Variants in PDZD2 observed in about 807,000 individuals in gnomAD.
PDZD2 encodes PDZ domain containing 2, also known as PDZ domain-containing protein 2.
Under a neutral mutation model 220.7 loss-of-function variants are expected in PDZD2, and 90 were observed. The observed-to-expected ratio is 0.41, with a 90% CI of 0.34 to 0.49. The LOEUF (loss-of-function observed/expected upper bound fraction) is 0.49, where lower values mean the gene tolerates loss of function less well. Among genes scored for constraint, PDZD2 ranks in the 20% least tolerant of loss-of-function variants. PDZD2 has a pLI of 0.28. For missense variants in PDZD2, 3,174 were observed against 3,608.5 expected (o/e 0.88, Z 3.08); for synonymous variants, 1,375 against 1,450.5 (o/e 0.95, Z 1.18).
chr5:31,658,755 G>C (rs1580527233), intron 1 of PDZD2, among the ~76,000 whole-genome samples: 2 of 152,104 alleles, frequency 1.3e-5, no homozygotes, highest in East Asian at 3.9e-4. Flanking sequence ...GAGTAGCTGG[G>C]ATTACAGGCA....
At chr5:31,826,915 CG>C (rs1756263317) in intron 2 of PDZD2, among the ~76,000 whole-genome samples, 1 of 152,066 alleles carries the variant, frequency 6.6e-6, no homozygotes, top group Non-Finnish European at 1.5e-5. Context: ...GGAATCGAGC[CG>C]GGGTGACCTG....
At chr5:31,858,282 AC>A (rs199811314) in intron 2 of PDZD2, among the ~76,000 whole-genome samples, 8,016 of 151,600 alleles carry the variant, frequency 0.053, 231 homozygotes, top group Non-Finnish European at 0.07. Flanking sequence ...GAGTTTAAAA[AC>A]AAAAAAATTC....
chr5:31,829,559 C>G (rs950702666), intron 2 of PDZD2, among the ~76,000 whole-genome samples: 1 of 151,882 alleles, frequency 6.6e-6, no homozygotes, highest in Non-Finnish European at 1.5e-5. Flanking sequence ...TCAGATGATC[C>G]ACCCGCCTCG....
intron 1 of PDZD2, among the ~76,000 whole-genome samples, chr5:31,680,029 AG>A (rs1746592047): frequency 1.3e-5 from 2 of 152,246 alleles, no homozygotes; most frequent in African/African-American, 4.8e-5. Flanking sequence ...CATCTTCTAG[AG>A]CATTTTTCTT....
chr5:32,092,841 C>A, intron 20 of PDZD2, 66 bp from the exon 21 acceptor site: 2 of 751,630 alleles, frequency 2.7e-6, no homozygotes, highest in Admixed American at 2.5e-5. Flanking sequence ...ATTTTAAATG[C>A]ATTCTTATAA....
At chr5:31,840,925 T>C in intron 2 of PDZD2, 2 of 509,278 alleles carry the variant, frequency 3.9e-6, no homozygotes, top group Admixed American at 2.8e-5. Flanking sequence ...CTTAAAGGCC[T>C]GGAGAACATA....
chr5:32,031,211 G>A (rs1186318189), intron 6 of PDZD2, among the ~76,000 whole-genome samples: 1 of 152,100 alleles, frequency 6.6e-6, no homozygotes, highest in Non-Finnish European at 1.5e-5. Context: ...TTTAAGATAG[G>A]AACCGTCAAG....
At chr5:31,813,366 C>G (rs189684959) in intron 2 of PDZD2, among the ~76,000 whole-genome samples, 5,969 of 141,824 alleles carry the variant, frequency 0.042, 427 homozygotes, top group African/African-American at 0.15. Context: ...AGGAGAATGG[C>G]GTGAACCCGG....
chr5:31,662,455 C>T (rs938070622), intron 1 of PDZD2, among the ~76,000 whole-genome samples: 2 of 152,200 alleles, frequency 1.3e-5, no homozygotes, highest in Non-Finnish European at 2.9e-5. Flanking sequence ...TCCATAAACT[C>T]AGTGGCTTAT....
At chr5:31,988,114 T>C (rs2111909383) in intron 3 of PDZD2, among the ~76,000 whole-genome samples, 1 of 152,296 alleles carries the variant, frequency 6.6e-6, no homozygotes, top group African/African-American at 2.4e-5. Context: ...AGAGGGACCT[T>C]TCTAAACAGC....
chr5:31,653,403 G>C (rs938688073), intron 1 of PDZD2, among the ~76,000 whole-genome samples: 1 of 152,062 alleles, frequency 6.6e-6, no homozygotes, highest in Admixed American at 6.5e-5. Flanking sequence ...GGCACGTCTG[G>C]GTGGGAGAGA....
At chr5:31,830,414 G>C (rs1756509410) in intron 2 of PDZD2, among the ~76,000 whole-genome samples, 1 of 150,518 alleles carries the variant, frequency 6.6e-6, no homozygotes, top group African/African-American at 2.5e-5. Flanking sequence ...CTGACCTCGT[G>C]ATCTGCCCGT....
chr5:31,924,017 G>A (rs2150383041), intron 2 of PDZD2, among the ~76,000 whole-genome samples: 1 of 152,268 alleles, frequency 6.6e-6, no homozygotes, highest in South Asian at 2.1e-4. Context: ...CAGCCACATC[G>A]CCTTGAGTTT....
chr5:31,694,744 C>CT (rs34596550), intron 1 of PDZD2, among the ~76,000 whole-genome samples: 3,233 of 143,780 alleles, frequency 0.022, 116 homozygotes, highest in African/African-American at 0.072. Context: ...CAATAAATGC[C>CT]TTTTTTTTTT....
intron 3 of PDZD2, among the ~76,000 whole-genome samples, chr5:31,992,444 T>A (rs1356668920): frequency 1.3e-5 from 2 of 152,110 alleles, no homozygotes; most frequent in East Asian, 3.9e-4. Flanking sequence ...TCAGTATATA[T>A]ATATATACAT....
chr5:31,953,059 CAAAAAAAAA>C (rs776311443), intron 2 of PDZD2, among the ~76,000 whole-genome samples: 3 of 54,006 alleles, frequency 5.6e-5, no homozygotes, highest in African/African-American at 2.0e-4. Flanking sequence ...GACTCCATCT[CAAAAAAAAA>C]AAAAAAAAAG....
At chr5:32,094,455 C>T (rs1241684822) in intron 21 of PDZD2, among the ~76,000 whole-genome samples, 2 of 152,056 alleles carry the variant, frequency 1.3e-5, no homozygotes, top group Non-Finnish European at 2.9e-5. Context: ...TCCAGAAATT[C>T]AAATATAGAG....
chr5:31,827,766 T>G (rs1756320156), intron 2 of PDZD2, among the ~76,000 whole-genome samples: 1 of 152,074 alleles, frequency 6.6e-6, no homozygotes, highest in Non-Finnish European at 1.5e-5. Context: ...ACTATAAAAT[T>G]TATCCTTTAA....
intron 19 of PDZD2, among the ~76,000 whole-genome samples, chr5:32,086,585 T>TA (rs1742470744): frequency 6.6e-6 from 1 of 152,174 alleles, no homozygotes; most frequent in African/African-American, 2.4e-5. Context: ...TGGTATTTGT[T>TA]AGATGTGGGT....
Sources: allele counts gnomAD v4.1 joint callset (sites outside exome capture counted in the v4.1 genomes callset), GRCh38; gene constraint gnomAD v4.1.1; transcripts MANE v1.5; gene names NCBI Gene and HGNC (gene_info 2026-07-23, HGNC 2026-07-21).